The following NSDHL variants were observed in gnomAD, a reference collection of about 807,000 sequenced individuals.
The protein encoded by NSDHL is NAD(P) dependent 3-beta-hydroxysteroid dehydrogenase NSDHL.
A neutral mutation model predicts 23.0 loss-of-function variants in NSDHL; 1 was observed. That is an observed-to-expected ratio of 0.04 (90% CI 0.02 to 0.21). NSDHL has a LOEUF of 0.21. NSDHL is among the 10% of genes least tolerant of loss of function. The pLI, the probability that NSDHL is intolerant of heterozygous loss-of-function variation, is 1.00. For missense variants in NSDHL, 237 were observed against 300.9 expected (o/e 0.79, Z 1.57); for synonymous variants, 128 against 121.1 (o/e 1.06, Z -0.37).
intron 2 of NSDHL, 93 bp downstream of exon 2, chrX:152,846,525 G>A: frequency 1.7e-6 from 1 of 605,048 alleles, no homozygotes; most frequent in Non-Finnish European, 2.8e-6. Flanking sequence ...ATCAATGTTG[G>A]GTATTTTTTA....
chrX:152,847,746 A>G (rs1345190987), intron 2 of NSDHL, among the ~76,000 whole-genome samples: 1 of 112,347 alleles, frequency 8.9e-6, no homozygotes, highest in Non-Finnish European at 1.9e-5. Context: ...CTCTGAGAAA[A>G]GGGTCCCACT....
At chrX:152,859,671 A>T (rs1002804479) in intron 4 of NSDHL, among the ~76,000 whole-genome samples, 2 of 112,679 alleles carry the variant, frequency 1.8e-5, no homozygotes, top group African/African-American at 6.5e-5. Flanking sequence ...AATTGTAAAC[A>T]ATAGTGTTAT....
chrX:152,831,851 A>T (rs889090076), intron 1 of NSDHL, among the ~76,000 whole-genome samples: 1 of 111,170 alleles, frequency 9.0e-6, no homozygotes, highest in African/African-American at 3.3e-5. Flanking sequence ...AGGGGCAGTA[A>T]TCTAGGGAGA....
At chrX:152,850,953 C>T (rs112142044) in intron 3 of NSDHL, among the ~76,000 whole-genome samples, 4 of 111,897 alleles carry the variant, frequency 3.6e-5, no homozygotes, top group Non-Finnish European at 7.5e-5. Context: ...AGCCCCTGGC[C>T]GCCACTCATC....
intron 3 of NSDHL, among the ~76,000 whole-genome samples, chrX:152,855,055 C>T (rs1933422475): frequency 9.6e-6 from 1 of 103,682 alleles, no homozygotes; most frequent in Non-Finnish European, 2.0e-5. Flanking sequence ...AGTGCAGTGG[C>T]GTGATCTTGA....
At chrX:152,856,135 GC>G (rs1331231973) in intron 3 of NSDHL, among the ~76,000 whole-genome samples, 2 of 111,450 alleles carry the variant, frequency 1.8e-5, no homozygotes, top group Non-Finnish European at 1.9e-5. Flanking sequence ...CGTTTAACAT[GC>G]CCTTCTGTCC....
intron 2 of NSDHL, among the ~76,000 whole-genome samples, chrX:152,848,680 A>T (rs1215097293): frequency 8.9e-6 from 1 of 112,382 alleles, no homozygotes; most frequent in East Asian, 2.8e-4. Context: ...ATGCTTTAGT[A>T]ACATATCTAG....
In NSDHL at chrX:152,868,898, T is replaced by G. The variant is rs782181497; in HGVS notation, c.904T>G (p.Tyr302Asp). ...KYHIPYWVAYYLALLLSLLVM... is the reference protein window; with the variant it reads ...KYHIPYWVAYDLALLLSLLVM... The stretch of plus-strand genomic sequence containing the variant: ...CCACATCCCCTACTGGGTGGCCTAC[T>G]ACCTGGCCCTCCTGCTATCCCTGCT... Residue 302 changes from tyrosine (Y) to aspartate (D), a missense_variant, in exon 8 of 8, where the codon TAC (tyrosine) becomes GAC (aspartate). Coordinates refer to ENST00000370274, the MANE Select transcript of NSDHL (RefSeq NM_015922.3). The G allele has an allele frequency of 8.3e-7, 1 of 1,212,074 alleles. No individual in the cohort carries two copies. The highest frequency in any genetic ancestry group is 1.1e-6 in the Non-Finnish European group (1 of 895,446).
At chrX:152,864,072 C>G (rs1249607729) in intron 5 of NSDHL, among the ~76,000 whole-genome samples, 2 of 111,538 alleles carry the variant, frequency 1.8e-5, no homozygotes, top group Non-Finnish European at 3.8e-5. Flanking sequence ...CCACCATGCC[C>G]GGCTAATTTT....
At chrX:152,854,124 G>A (rs1933402753) in intron 3 of NSDHL, among the ~76,000 whole-genome samples, 1 of 112,222 alleles carries the variant, frequency 8.9e-6, no homozygotes, top group Non-Finnish European at 1.9e-5. Context: ...CTGCCATGCT[G>A]TTGTTGCTAG....
Position 152,834,008 on chromosome X carries a change from A to G in NSDHL, c.-44+2891A>G, listed in dbSNP as rs182679842. 2.6e-3 allele frequency among the ~76,000 whole-genome samples: 290 copies of G among 112,844 alleles called. 6 individuals are homozygous for G. Among genetic ancestry groups the G allele is most frequent in the African/African-American group, 9.0e-3 (280 of 31,114 alleles). On this transcript the variant is annotated intron_variant, in intron 1 of 7. Transcript: ENST00000370274. ...TCACAGTAGCTCTGAGGTAGGGAAG[A>G]AGGACGCTGTTTTACAGATAAGGCC...
intron 3 of NSDHL, among the ~76,000 whole-genome samples, chrX:152,853,130 T>TGTGTGTGC (rs1933384143): frequency 9.5e-6 from 1 of 105,704 alleles, no homozygotes; most frequent in Non-Finnish European, 1.9e-5. Context: ...CTCAGGCACG[T>TGTGTGTGC]GTGTGTGTGT....
chrX:152,857,830 G>A (rs1438413785), intron 3 of NSDHL, among the ~76,000 whole-genome samples: 1 of 111,461 alleles, frequency 9.0e-6, no homozygotes, highest in East Asian at 2.8e-4. Context: ...CATGATGTCT[G>A]CAACTTACTT....
chrX:152,831,601 A>G (rs782033791), intron 1 of NSDHL: 5 of 113,200 alleles, frequency 4.4e-5, no homozygotes, highest in African/African-American at 1.6e-4. Context: ...GAGGTCATCA[A>G]AATATACTCT....
chrX:152,864,155 C>T (rs1556847806), intron 5 of NSDHL, among the ~76,000 whole-genome samples: 1 of 111,864 alleles, frequency 8.9e-6, no homozygotes, highest in Non-Finnish European at 1.9e-5. Flanking sequence ...ATGATCTGCC[C>T]GCCTTGGCCT....
At chrX:152,867,541 C>G in intron 6 of NSDHL, 30 bp from the exon 7 acceptor site, 1 of 1,056,893 alleles carries the variant, frequency 9.5e-7, no homozygotes. Flanking sequence ...GCTCCCAGCA[C>G]GTATTCCATC....
chrX:152,850,482 C>T, intron 3 of NSDHL, 59 bp downstream of exon 3: 1 of 1,076,534 alleles, frequency 9.3e-7, no homozygotes, highest in Non-Finnish European at 1.3e-6. Context: ...AACCACGATA[C>T]TTCCCTTGCT....
Position 152,869,248 on chromosome X carries a change from A to G in NSDHL, c.*132A>G. The G allele has an allele frequency of 1.8e-6, 1 of 561,326 alleles. No individual in the cohort carries two copies. The highest frequency in any genetic ancestry group is 3.0e-6 in the Non-Finnish European group (1 of 330,044). 46.3% of individuals were successfully genotyped at this position (561,326 alleles called of 1,213,427 possible). ...ACTCCTTCTGCTAGGCAGAGAGCGC[A>G]CCCTACTCTTTCCGTGACGATGAGG... On this transcript the variant is annotated 3_prime_UTR_variant, in exon 8 of 8. Coordinates refer to ENST00000370274, the MANE Select transcript of NSDHL (RefSeq NM_015922.3).
chrX:152,849,652 G>A (rs1366479273), intron 2 of NSDHL, among the ~76,000 whole-genome samples: 2 of 112,497 alleles, frequency 1.8e-5, no homozygotes, highest in Non-Finnish European at 1.9e-5. Context: ...CCTCACTGCA[G>A]CCCCACCAGG....
Sources: allele counts gnomAD v4.1 joint callset (sites outside exome capture counted in the v4.1 genomes callset), GRCh38; gene constraint gnomAD v4.1.1; transcripts MANE v1.5; gene names NCBI Gene and HGNC (gene_info 2026-07-23, HGNC 2026-07-21).